The following CPQ variants were observed in gnomAD, a reference collection of about 807,000 sequenced individuals.
The protein encoded by CPQ is carboxypeptidase Q.
In CPQ, 37 loss-of-function variants were observed where a neutral mutation model predicts 45.7. The observed-to-expected ratio is 0.81, with a 90% CI of 0.62 to 1.07. The LOEUF is 1.07. Among genes scored for constraint, CPQ ranks in the 50% least tolerant of loss-of-function variants. CPQ has a pLI of 0.00. For synonymous variants in CPQ, 186 were observed against 205.8 expected, an observed-to-expected ratio of 0.90 and a Z score of 0.82; for missense variants, 537 against 572.9, an observed-to-expected ratio of 0.94 and a Z score of 0.64.
At chr8:96,933,791 TG>T (rs1813007318) in intron 4 of CPQ, among the ~76,000 whole-genome samples, 1 of 151,824 alleles carries the variant, frequency 6.6e-6, no homozygotes, top group Non-Finnish European at 1.5e-5. Flanking sequence ...GTGGTATTGA[TG>T]GTGATGACAG....
At chr8:97,022,998 GTA>G (rs1277109896) in intron 5 of CPQ, among the ~76,000 whole-genome samples, 4 of 141,964 alleles carry the variant, frequency 2.8e-5, no homozygotes, top group Non-Finnish European at 6.1e-5. Context: ...TATATATACA[GTA>G]TATATATACT....
intron 7 of CPQ, among the ~76,000 whole-genome samples, chr8:97,070,401 G>A (rs779656225): frequency 7.2e-5 from 11 of 152,128 alleles, no homozygotes; most frequent in Admixed American, 6.6e-5. Context: ...TTGAGGTTAA[G>A]GTCAATAATT....
At chr8:97,037,551 G>A (rs2130482218) in intron 6 of CPQ, among the ~76,000 whole-genome samples, 1 of 152,214 alleles carries the variant, frequency 6.6e-6, no homozygotes, top group Non-Finnish European at 1.5e-5. Context: ...TATTGCATTA[G>A]TCTCTCAAGC....
At chr8:96,861,069 G>A (rs534680928) in intron 3 of CPQ, among the ~76,000 whole-genome samples, 9 of 152,206 alleles carry the variant, frequency 5.9e-5, no homozygotes, top group African/African-American at 1.7e-4. Flanking sequence ...TCTTTAAACA[G>A]TTGTTAAATC....
At chr8:96,807,086 A>G (rs1811088647) in intron 2 of CPQ, among the ~76,000 whole-genome samples, 1 of 152,146 alleles carries the variant, frequency 6.6e-6, no homozygotes, top group Non-Finnish European at 1.5e-5. Context: ...GTATTTCACC[A>G]TTTTCTTAAA....
chr8:96,907,956 C>T (rs950566603), intron 4 of CPQ, among the ~76,000 whole-genome samples: 3 of 152,066 alleles, frequency 2.0e-5, no homozygotes, highest in African/African-American at 7.2e-5. Context: ...TAATTGGAGG[C>T]TCTGAACATT....
intron 4 of CPQ, among the ~76,000 whole-genome samples, chr8:96,927,870 T>C (rs1407961602): frequency 6.6e-6 from 1 of 152,228 alleles, no homozygotes; most frequent in Admixed American, 6.5e-5. Flanking sequence ...AGCCCTGAGA[T>C]GACATGGGTT....
At chr8:97,048,509 C>T (rs1220284365) in intron 6 of CPQ, among the ~76,000 whole-genome samples, 2 of 152,160 alleles carry the variant, frequency 1.3e-5, no homozygotes, top group East Asian at 3.8e-4. Flanking sequence ...TTCATTCTTT[C>T]CTTGTTCAGG....
At chr8:96,984,130 T>C (rs1368282462) in intron 5 of CPQ, among the ~76,000 whole-genome samples, 1 of 152,184 alleles carries the variant, frequency 6.6e-6, no homozygotes, top group Non-Finnish European at 1.5e-5. Flanking sequence ...GTGGTTACTA[T>C]TAAATATCAC....
chr8:97,009,024 A>G (rs1809435361), intron 5 of CPQ, among the ~76,000 whole-genome samples: 1 of 152,198 alleles, frequency 6.6e-6, no homozygotes, highest in South Asian at 2.1e-4. Flanking sequence ...AGTTTTGGCC[A>G]TGGGCCACCC....
intron 7 of CPQ, among the ~76,000 whole-genome samples, chr8:97,070,732 C>T (rs560906748): frequency 6.6e-6 from 1 of 152,118 alleles, no homozygotes; most frequent in Non-Finnish European, 1.5e-5. Context: ...TCTTCCCTGA[C>T]AATTTGAAAG....
chr8:97,106,458 T>C (rs1811405089), intron 7 of CPQ, among the ~76,000 whole-genome samples: 1 of 152,268 alleles, frequency 6.6e-6, no homozygotes, highest in South Asian at 2.1e-4. Context: ...GTGCTTAGGA[T>C]ACCTCAGTGA....
At chr8:96,944,235 T>G (rs544479701) in intron 4 of CPQ, among the ~76,000 whole-genome samples, 3 of 152,218 alleles carry the variant, frequency 2.0e-5, no homozygotes, top group African/African-American at 7.2e-5. Flanking sequence ...CAGCCAAGAT[T>G]CCAAAAGTGG....
intron 7 of CPQ, among the ~76,000 whole-genome samples, chr8:97,110,024 C>A (rs1462761394): frequency 6.6e-6 from 1 of 152,118 alleles, no homozygotes; most frequent in Non-Finnish European, 1.5e-5. Context: ...TGGTAAAATG[C>A]ACCCAGCTTG....
intron 1 of CPQ, among the ~76,000 whole-genome samples, chr8:96,720,129 G>A (rs1011988302): frequency 2.6e-5 from 4 of 152,154 alleles, no homozygotes; most frequent in Non-Finnish European, 4.4e-5. Flanking sequence ...GGAAAAAAAT[G>A]TACATATATC....
In CPQ at chr8:97,107,795, A is replaced by G. The variant is rs11778471; in HGVS notation, c.1256-35225A>G. Among the ~76,000 whole-genome samples the G allele has an allele frequency of 8.5e-3, 1,286 of 151,470 alleles. 11 individuals are homozygous for G. The highest frequency in any genetic ancestry group is 0.015 in the Non-Finnish European group (990 of 68,018). ...GGCAAAGAAAAAGATTTTTAAGATA[A>G]GAGAAATAACATGTTTGCTCATGAG... On this transcript the variant is annotated intron_variant, in intron 7 of 7. Transcript: ENST00000220763.
At chr8:96,791,167 C>CAACT (rs1327090825) in intron 2 of CPQ, among the ~76,000 whole-genome samples, 2 of 152,178 alleles carry the variant, frequency 1.3e-5, no homozygotes, top group Admixed American at 1.3e-4. Flanking sequence ...AAGGGTTGCA[C>CAACT]AACTGGTAAG....
chr8:96,754,503 A>G (rs1232261617), intron 1 of CPQ, among the ~76,000 whole-genome samples: 1 of 152,032 alleles, frequency 6.6e-6, no homozygotes, highest in Non-Finnish European at 1.5e-5. Context: ...CCTACCCTGG[A>G]ATGGATTATA....
intron 1 of CPQ, among the ~76,000 whole-genome samples, chr8:96,752,622 T>C (rs1408885319): frequency 6.6e-6 from 1 of 152,166 alleles, no homozygotes; most frequent in Non-Finnish European, 1.5e-5. Flanking sequence ...TCTTTATTTC[T>C]TTCTCTTGCC....
Sources: allele counts gnomAD v4.1 joint callset (sites outside exome capture counted in the v4.1 genomes callset), GRCh38; gene constraint gnomAD v4.1.1; transcripts MANE v1.5; gene names NCBI Gene and HGNC (gene_info 2026-07-23, HGNC 2026-07-21).